Variants in ZFAT observed in about 807,000 individuals in gnomAD.
The protein encoded by ZFAT is zinc finger and AT-hook domain containing.
A neutral mutation model predicts 117.7 loss-of-function variants in ZFAT; 64 were observed. The observed-to-expected ratio is 0.54, with a 90% CI of 0.44 to 0.67. The LOEUF (loss-of-function observed/expected upper bound fraction) is 0.67, where lower values mean the gene tolerates loss of function less well. Ranked by LOEUF, ZFAT falls within the 30% of genes least tolerant of loss-of-function variation. The pLI is 0.00. For missense variants in ZFAT, 1,433 were observed against 1,584.5 expected (o/e 0.90, Z 1.62); for synonymous variants, 679 against 615.0 (o/e 1.10, Z -1.54).
At chr8:134,809,168 G>A in the ZFAT span, among the ~76,000 whole-genome samples, 2 of 152,166 alleles carry the variant, frequency 1.3e-5, no homozygotes, top group Admixed American at 6.5e-5. Flanking sequence ...GCCTGATCTA[G>A]GCCAGTGGTT....
At chr8:134,714,118 C>A (rs1054075324), upstream of ZFAT, among the ~76,000 whole-genome samples, 167 of 134,286 alleles carry the variant, frequency 1.2e-3, 2 homozygotes, top group Non-Finnish European at 2.2e-3. Flanking sequence ...CCCCCCCCCC[C>A]CCAAAAAAAA....
intron 15 of ZFAT, among the ~76,000 whole-genome samples, chr8:134,488,031 C>T (rs1030089485): frequency 6.6e-6 from 1 of 152,182 alleles, no homozygotes; most frequent in African/African-American, 2.4e-5. Flanking sequence ...TACTGAGCAA[C>T]CACAGGAATA....
rs201292104 is a variant in ZFAT at position 134,602,504 on chromosome 8, G to C, written c.1215C>G (p.Asp405Glu). 1.2e-4 allele frequency: 201 copies of C among 1,613,840 alleles called. No homozygotes were observed. The highest frequency in any genetic ancestry group is 1.4e-5 in the Non-Finnish European group (17 of 1,180,050). ...TGAACTTGCGCTCACAGATGTGGCAGTCATAGAGCAGCTGCCGCTTGCCCT... is the reference window on the plus strand; with the variant it reads ...TGAACTTGCGCTCACAGATGTGGCACTCATAGAGCAGCTGCCGCTTGCCCT... Reference protein sequence around the residue: ...TREGKRQLLYDCHICERKFKN... With the variant: ...TREGKRQLLYECHICERKFKN... Residue 405 changes from aspartate to glutamate, a missense_variant, in exon 6 of 16, where the codon GAC (aspartate) becomes GAG (glutamate). By Grantham distance (45) the Asp-to-Glu change is conservative (BLOSUM62 2). Coordinates refer to ENST00000377838, the MANE Select transcript of ZFAT (RefSeq NM_020863.4).
intron 3 of ZFAT, among the ~76,000 whole-genome samples, chr8:134,627,242 T>C (rs1418946073): frequency 3.3e-5 from 5 of 152,302 alleles, no homozygotes; most frequent in African/African-American, 9.6e-5. Flanking sequence ...GCGGCCAGTC[T>C]GAAGACTGTT....
At chr8:134,533,092 T>C (rs762294542) in intron 11 of ZFAT, 120 bp from the exon 12 acceptor site, 76 of 1,413,300 alleles carry the variant, frequency 5.4e-5, no homozygotes, top group Non-Finnish European at 7.1e-5. Context: ...CCCCATCACC[T>C]GTGATATGTT....
chr8:134,625,055 C>T (rs1224108206), intron 3 of ZFAT, among the ~76,000 whole-genome samples: 2 of 152,240 alleles, frequency 1.3e-5, no homozygotes, highest in Non-Finnish European at 2.9e-5. Flanking sequence ...TCACTCCACA[C>T]TGCTAATAAA....
At chr8:134,658,918 G>C (rs1051084693) in intron 1 of ZFAT, among the ~76,000 whole-genome samples, 1 of 152,196 alleles carries the variant, frequency 6.6e-6, no homozygotes, top group East Asian at 1.9e-4. Flanking sequence ...TGCCTATTCA[G>C]CAGCAAGAAC....
At position 134,565,187 on chromosome 8, in the gene ZFAT, C is replaced by T. The variant is rs760684053; in HGVS notation, c.2976+146G>A. On this transcript the variant is annotated intron_variant, in intron 11 of 15. Transcript: ENST00000377838. ...GAGAGCACAAATAAGCTGCACTATG[C>T]CTCAGACTCCACGTGTACCAGCTAA... 2.6e-6 allele frequency: 4 copies of T among 1,536,278 alleles called. No homozygotes were observed. In the South Asian group the frequency reaches 3.6e-5, roughly 14 times the overall value.
At chr8:134,529,012 A>G (rs1563811857) in intron 12 of ZFAT, among the ~76,000 whole-genome samples, 1 of 152,232 alleles carries the variant, frequency 6.6e-6, no homozygotes, top group Non-Finnish European at 1.5e-5. Flanking sequence ...TGGGAATCTT[A>G]GAGAATGATA....
chr8:134,614,474 C>T (rs1399631253), intron 3 of ZFAT, among the ~76,000 whole-genome samples: 2 of 152,210 alleles, frequency 1.3e-5, no homozygotes, highest in African/African-American at 4.8e-5. Flanking sequence ...TTACCTCCTC[C>T]ATTCTCCTTA....
chr8:134,487,805 A>G (rs1817758890), intron 15 of ZFAT, among the ~76,000 whole-genome samples: 1 of 152,258 alleles, frequency 6.6e-6, no homozygotes, highest in South Asian at 2.1e-4. Context: ...AAACACCAGC[A>G]GCACTGGATC....
intron 12 of ZFAT, among the ~76,000 whole-genome samples, chr8:134,529,450 AAT>A (rs921102706): frequency 7.2e-5 from 11 of 152,218 alleles, no homozygotes; most frequent in African/African-American, 2.4e-4. Context: ...TGTGTGGGAG[AAT>A]GCTTCAAATC....
chr8:134,690,074 T>C (rs1012071177), intron 1 of ZFAT, among the ~76,000 whole-genome samples: 1 of 152,240 alleles, frequency 6.6e-6, no homozygotes, highest in African/African-American at 2.4e-5. Flanking sequence ...ACAGCCAGTG[T>C]GTTATTTTTC....
intron 3 of ZFAT, among the ~76,000 whole-genome samples, chr8:134,613,732 C>T (rs1000080587): frequency 6.6e-6 from 1 of 152,184 alleles, no homozygotes; most frequent in Non-Finnish European, 1.5e-5. Context: ...GGAGAAGGGT[C>T]CAGGGACTTC....
At chr8:134,705,276 C>T (rs1201124659) in intron 1 of ZFAT, among the ~76,000 whole-genome samples, 3 of 152,142 alleles carry the variant, frequency 2.0e-5, no homozygotes, top group African/African-American at 7.2e-5. Context: ...TCACAGCTCA[C>T]TGCAGCCTTG....
the ZFAT span, among the ~76,000 whole-genome samples, chr8:134,782,572 C>T: frequency 2.0e-4 from 30 of 152,198 alleles, no homozygotes; most frequent in Admixed American, 2.0e-4. Context: ...GATATGAACC[C>T]GGTGGCAGAT....
chr8:134,506,415 G>A (rs892924374), intron 15 of ZFAT, among the ~76,000 whole-genome samples: 2 of 152,208 alleles, frequency 1.3e-5, no homozygotes, highest in East Asian at 3.8e-4. Context: ...CAAGAAAAGA[G>A]GGAAAGTGAC....
intron 1 of ZFAT, among the ~76,000 whole-genome samples, 173 bp downstream of exon 1, chr8:134,712,672 G>T (rs1372367431): frequency 6.5e-5 from 9 of 137,428 alleles, no homozygotes; most frequent in African/African-American, 2.3e-4. Flanking sequence ...AACGTGAGCC[G>T]CAGAACGCAA....
intron 11 of ZFAT, among the ~76,000 whole-genome samples, chr8:134,551,650 T>C (rs914742670): frequency 3.9e-5 from 6 of 152,230 alleles, no homozygotes; most frequent in Admixed American, 3.9e-4. Context: ...ACAATCTGCT[T>C]ATTTGAGATC....
Sources: gnomAD v4.1 joint callset for allele counts (sites outside exome capture counted in the v4.1 genomes callset) on GRCh38, gnomAD v4.1.1 for gene constraint, MANE v1.5 for transcripts, NCBI Gene and HGNC (gene_info 2026-07-23, HGNC 2026-07-21) for gene names.